GALNT13: variants seen among roughly 807,000 people sequenced by gnomAD.
The protein encoded by GALNT13 is polypeptide N-acetylgalactosaminyltransferase 13.
GALNT13 carries 28 observed loss-of-function variants against 64.2 expected under a neutral mutation model. That is an observed-to-expected ratio of 0.44 (90% confidence interval 0.32 to 0.60). The LOEUF (loss-of-function observed/expected upper bound fraction) is 0.60, where lower values mean the gene tolerates loss of function less well. GALNT13 is among the 20% of genes least tolerant of loss of function. The probability of loss-of-function intolerance (pLI) is 0.05; values close to 1 mark genes in which losing one functional copy is unlikely to be tolerated. For synonymous variants in GALNT13, 214 were observed against 224.6 expected (o/e 0.95, Z 0.42); for missense variants, 577 against 669.8 (o/e 0.86, Z 1.53).
chr2:154,298,230 G>A (rs1693045562), intron 8 of GALNT13, among the ~76,000 whole-genome samples: 1 of 151,274 alleles, frequency 6.6e-6, no homozygotes. Context: ...GATAATAAAT[G>A]CATCAAGGGA....
chr2:154,046,600 A>G (rs774783934), intron 3 of GALNT13, among the ~76,000 whole-genome samples: 1 of 152,196 alleles, frequency 6.6e-6, no homozygotes, highest in African/African-American at 2.4e-5. Context: ...TGATTCTCCA[A>G]AATTCATTTC....
the GALNT13 span, among the ~76,000 whole-genome samples, chr2:153,490,260 T>A: frequency 6.6e-6 from 1 of 152,256 alleles, no homozygotes; most frequent in Admixed American, 6.5e-5. Flanking sequence ...TTAAAAACTT[T>A]AATGTTTTGG....
chr2:153,445,046 C>G, the GALNT13 span, among the ~76,000 whole-genome samples: 1 of 152,140 alleles, frequency 6.6e-6, no homozygotes, highest in African/African-American at 2.4e-5. Flanking sequence ...TCAACATTTT[C>G]CATAGCAATT....
At chr2:153,566,024 T>C in the GALNT13 span, among the ~76,000 whole-genome samples, 1 of 152,196 alleles carries the variant, frequency 6.6e-6, no homozygotes, top group Non-Finnish European at 1.5e-5. Flanking sequence ...CTTAGTTATG[T>C]AATATCAAAT....
chr2:153,355,013 C>T, the GALNT13 span, among the ~76,000 whole-genome samples: 6 of 152,128 alleles, frequency 3.9e-5, no homozygotes, highest in Admixed American at 6.5e-5. Context: ...TTGGATTTCT[C>T]AATTCCCAAT....
the GALNT13 span, among the ~76,000 whole-genome samples, chr2:153,495,713 A>C: frequency 8.5e-5 from 13 of 152,202 alleles, no homozygotes; most frequent in African/African-American, 3.1e-4. Context: ...CTACTAATCT[A>C]TCATATCAAA....
At position 154,085,884 on chromosome 2, in the gene GALNT13, T is replaced by C. The variant is rs566312557; in HGVS notation, c.143-54453T>C. 1.6e-3 allele frequency among the ~76,000 whole-genome samples: 242 copies of C among 151,778 alleles called. 1 individual carries two copies. Among genetic ancestry groups the C allele is most frequent in the African/African-American group, 5.2e-3 (217 of 41,446 alleles). ...TTCAGGACCTTCTTGGACAACAGAG[T>C]GGGGCTCCATCTCTACAGAAAAAAT... is the stretch of plus-strand genomic sequence containing the variant. On this transcript the variant is annotated intron_variant, in intron 3 of 12. Transcript: ENST00000392825.
At chr2:154,170,212 A>G (rs1187110163) in intron 4 of GALNT13, among the ~76,000 whole-genome samples, 1 of 152,046 alleles carries the variant, frequency 6.6e-6, no homozygotes, top group Non-Finnish European at 1.5e-5. Flanking sequence ...AGCCAATTGG[A>G]TGGTGCCTGC....
chr2:153,778,112 G>A, the GALNT13 span, among the ~76,000 whole-genome samples: 1 of 152,170 alleles, frequency 6.6e-6, no homozygotes, highest in African/African-American at 2.4e-5. Context: ...CTGCTGGCAT[G>A]CCAGTGTGCT....
intron 3 of GALNT13, among the ~76,000 whole-genome samples, chr2:154,066,960 G>A (rs533070938): frequency 6.6e-6 from 1 of 152,080 alleles, no homozygotes; most frequent in South Asian, 2.1e-4. Flanking sequence ...AAGATATAAA[G>A]AGAAATAATA....
At chr2:153,174,748 C>G in the GALNT13 span, among the ~76,000 whole-genome samples, 54 of 152,280 alleles carry the variant, frequency 3.5e-4, no homozygotes, top group East Asian at 8.7e-3. Flanking sequence ...CACATTTCCT[C>G]TAGTCTCCAG....
intron 11 of GALNT13, among the ~76,000 whole-genome samples, chr2:154,424,195 T>C (rs1193546988): frequency 1.3e-5 from 2 of 151,976 alleles, no homozygotes; most frequent in African/African-American, 4.8e-5. Context: ...CCTAATGAAA[T>C]CTGAATAAAC....
Position 154,115,846 on chromosome 2 carries a change from T to G in GALNT13, c.143-24491T>G, listed in dbSNP as rs537912985. Among the ~76,000 whole-genome samples, 11 of 152,314 alleles carry G rather than the reference T, an allele frequency of 7.2e-5. No homozygotes were observed. In the South Asian group the frequency reaches 2.3e-3, roughly 32 times the overall value. On this transcript the variant is annotated intron_variant, in intron 3 of 12. Transcript: ENST00000392825. ...TCCATCCATCATTATCTCACACCCT[T>G]AATATTCATTCCCATGCTTGTTATC...
intron 9 of GALNT13, among the ~76,000 whole-genome samples, chr2:154,350,061 A>C (rs1408458029): frequency 6.6e-6 from 1 of 152,242 alleles, no homozygotes; most frequent in South Asian, 2.1e-4. Flanking sequence ...AATTTTTATC[A>C]AAAATAGAAC....
chr2:154,194,897 G>A (rs1686796542), intron 4 of GALNT13, among the ~76,000 whole-genome samples: 1 of 145,248 alleles, frequency 6.9e-6, no homozygotes, highest in Admixed American at 6.9e-5. Context: ...TGAGATTCAT[G>A]TACAGAACGT....
the GALNT13 span, among the ~76,000 whole-genome samples, chr2:153,543,407 G>T: frequency 6.6e-6 from 1 of 152,174 alleles, no homozygotes; most frequent in Non-Finnish European, 1.5e-5. Flanking sequence ...TCTTTCTCTA[G>T]AAGTAGCAAA....
chr2:153,098,848 A>C, the GALNT13 span, among the ~76,000 whole-genome samples: 1 of 152,200 alleles, frequency 6.6e-6, no homozygotes, highest in African/African-American at 2.4e-5. Context: ...TAAAATAAAA[A>C]GTTTTCCATA....
the GALNT13 span, among the ~76,000 whole-genome samples, chr2:153,663,578 T>C: frequency 2.0e-5 from 3 of 152,224 alleles, no homozygotes; most frequent in East Asian, 1.9e-4. Context: ...GTTTGAAATA[T>C]GGCTGTGACA....
chr2:153,119,136 C>A, the GALNT13 span, among the ~76,000 whole-genome samples: 359 of 152,200 alleles, frequency 2.4e-3, 4 homozygotes, highest in Non-Finnish European at 2.1e-3. Context: ...GAGGTCTCTC[C>A]AGTCATGCTG....
Sources: allele counts gnomAD v4.1 joint callset (sites outside exome capture counted in the v4.1 genomes callset), GRCh38; gene constraint gnomAD v4.1.1; transcripts MANE v1.5; gene names NCBI Gene and HGNC (gene_info 2026-07-23, HGNC 2026-07-21).